Variants in KCNT1 observed in about 807,000 individuals in gnomAD.
KCNT1 encodes the protein potassium channel subfamily T member 1.
Under a neutral mutation model 147.8 loss-of-function variants are expected in KCNT1, and 78 were observed. The ratio of observed to expected loss-of-function variants is 0.53; its 90% CI spans 0.44 to 0.64. KCNT1 has a LOEUF of 0.64. Among genes scored for constraint, KCNT1 ranks in the 30% least tolerant of loss-of-function variants. The probability of loss-of-function intolerance (pLI) is 0.00; values close to 1 mark genes in which losing one functional copy is unlikely to be tolerated. For missense variants in KCNT1, 1,419 were observed against 1,750.3 expected, an observed-to-expected ratio of 0.81 and a Z score of 3.38; for synonymous variants, 867 against 748.8, an observed-to-expected ratio of 1.16 and a Z score of -2.58.
intron 2 of KCNT1, among the ~76,000 whole-genome samples, chr9:135,744,590 C>T (rs566486633): frequency 2.0e-5 from 3 of 152,314 alleles, no homozygotes; most frequent in African/African-American, 7.2e-5. Context: ...GCGTGGGCCT[C>T]GGGGAGCCTC....
chr9:135,769,141 G>A (rs1385930038), intron 15 of KCNT1, among the ~76,000 whole-genome samples: 9 of 75,724 alleles, frequency 1.2e-4, no homozygotes, highest in East Asian at 2.6e-4. Flanking sequence ...GGGGCAGGGC[G>A]CATGTGCACA....
At chr9:135,735,070 G>C (rs964787960) in intron 2 of KCNT1, among the ~76,000 whole-genome samples, 1 of 152,194 alleles carries the variant, frequency 6.6e-6, no homozygotes, top group Admixed American at 6.5e-5. Context: ...GCTTCCATCT[G>C]CTGGTGCTCC....
At chr9:135,767,947 G>A (rs1015192618) in intron 13 of KCNT1, among the ~76,000 whole-genome samples, 10 of 151,580 alleles carry the variant, frequency 6.6e-5, no homozygotes, top group South Asian at 2.1e-4. Flanking sequence ...ACCATCCATA[G>A]CATCTGACCC....
intron 17 of KCNT1, 66 bp downstream of exon 17, chr9:135,770,513 C>G: frequency 6.5e-7 from 1 of 1,536,334 alleles, no homozygotes. Context: ...CCTCCCCACC[C>G]TCCCGGTCAG....
chr9:135,708,388 T>C (rs1835344788), intron 1 of KCNT1, among the ~76,000 whole-genome samples: 1 of 152,254 alleles, frequency 6.6e-6, no homozygotes, highest in African/African-American at 2.4e-5. Context: ...CACATCAGCA[T>C]GCATGTGCGT....
chr9:135,713,334 T>G (rs1041515828), intron 1 of KCNT1, among the ~76,000 whole-genome samples: 2 of 152,242 alleles, frequency 1.3e-5, no homozygotes, highest in African/African-American at 4.8e-5. Context: ...TGCCAGATCC[T>G]GGGGGTTGAA....
Position 135,792,110 on chromosome 9 carries a change from C to T in KCNT1, c.3657C>T (p.Ser1219=), listed in dbSNP as rs780961075. The T allele has an allele frequency of 6.2e-7, 1 of 1,605,534 alleles. No homozygotes were observed. The highest frequency in any genetic ancestry group is 8.5e-7 in the Non-Finnish European group (1 of 1,179,524). Residue 1219 remains serine (S), a synonymous_variant, in exon 31 of 31, where the codon AGC becomes AGT. Coordinates refer to ENST00000371757, the MANE Select transcript of KCNT1 (RefSeq NM_020822.3). Reference sequence around the variant, plus strand: ...CCCAGAGCCGGAAGAGCAGCTGCAGCCACAAGCTGTCGTCCTGCAACCCCG... The same window carrying T: ...CCCAGAGCCGGAAGAGCAGCTGCAGTCACAAGCTGTCGTCCTGCAACCCCG... ...SSSQSRKSSC[S]HKLSSCNPET...
chr9:135,711,300 T>C (rs950006852), intron 1 of KCNT1, among the ~76,000 whole-genome samples: 1 of 151,806 alleles, frequency 6.6e-6, no homozygotes, highest in Non-Finnish European at 1.5e-5. Flanking sequence ...CGGGAACAGA[T>C]GCAGGGGGAG....
Position 135,716,920 on chromosome 9 carries a change from G to A in KCNT1, c.254+2200G>A, listed in dbSNP as rs185901496. Among the ~76,000 whole-genome samples, 30 of 152,334 alleles carry A rather than the reference G, an allele frequency of 2.0e-4. No individual in the cohort carries two copies. In the East Asian group the frequency reaches 2.5e-3, roughly 13 times the overall value. On this transcript the variant is annotated intron_variant, in intron 2 of 30. Coordinates refer to ENST00000371757, the MANE Select transcript of KCNT1 (RefSeq NM_020822.3). ...GTGGTCGCCATACCTGTCCTGTGGC[G>A]CTGTCCCTCAAGATGGCCTCAGAGA...
Position 135,728,129 on chromosome 9 carries a change from C to T in KCNT1, c.254+13409C>T, listed in dbSNP as rs149043110. Among the ~76,000 whole-genome samples, 672 of 152,256 alleles carry T rather than the reference C, an allele frequency of 4.4e-3. 3 individuals carry two copies. Among genetic ancestry groups the T allele is most frequent in the African/African-American group, 0.014 (576 of 41,550 alleles). ...GCAGAGACTGGAGTGATGTGGCCAC[C>T]GCCGAGGGGTGCCTGGAGTCCCCAG... On this transcript the variant is annotated intron_variant, in intron 2 of 30. Transcript: ENST00000371757.
At chr9:135,721,873 G>A (rs1181836905) in intron 2 of KCNT1, among the ~76,000 whole-genome samples, 1 of 152,212 alleles carries the variant, frequency 6.6e-6, no homozygotes, top group Non-Finnish European at 1.5e-5. Flanking sequence ...GTCCTGGAAG[G>A]TGGGCCTGAG....
intron 13 of KCNT1, among the ~76,000 whole-genome samples, chr9:135,767,423 AGCG>A (rs1282780090): frequency 9.5e-6 from 1 of 105,362 alleles, no homozygotes; most frequent in African/African-American, 4.1e-5. Flanking sequence ...TTTCTTAGAC[AGCG>A]TCTCAGCAGT....
chr9:135,702,621 G>C (rs527478417), intron 1 of KCNT1, among the ~76,000 whole-genome samples: 2 of 152,268 alleles, frequency 1.3e-5, no homozygotes, highest in African/African-American at 4.8e-5. Context: ...AAGCTGGGGG[G>C]AGCGGCCGTG....
intron 2 of KCNT1, among the ~76,000 whole-genome samples, chr9:135,748,466 C>T (rs1830964905): frequency 6.6e-6 from 1 of 152,238 alleles, no homozygotes; most frequent in Non-Finnish European, 1.5e-5. Flanking sequence ...CAGGCAGTGA[C>T]ATCAAATTCT....
rs1680693228 is a variant in KCNT1, at chr9:135,772,635, G to C, written c.2009-80G>C. 5 of 1,070,824 alleles carry C rather than the reference G, an allele frequency of 4.7e-6. No individual in the cohort carries two copies. In the Admixed American group the frequency reaches 1.1e-4, roughly 24 times the overall value. 66.3% of individuals were successfully genotyped at this position (1,070,824 alleles called of 1,614,324 possible). On this transcript the variant is annotated intron_variant, in intron 18 of 30. Transcript: ENST00000371757. ...CATGACAGGGTCTCCAGAGCTGACT[G>C]TGTTCACCTGAGCTCTGGGAACTCG...
chr9:135,774,110 T>G (rs1426666029), intron 19 of KCNT1, among the ~76,000 whole-genome samples: 1 of 147,790 alleles, frequency 6.8e-6, no homozygotes, highest in African/African-American at 2.5e-5. Flanking sequence ...CAACGTGTGT[T>G]TGTCACGTGT....
intron 2 of KCNT1, among the ~76,000 whole-genome samples, chr9:135,732,359 A>G (rs953730816): frequency 2.6e-5 from 4 of 152,128 alleles, no homozygotes; most frequent in Non-Finnish European, 5.9e-5. Context: ...TGAGGCTTCT[A>G]CCCAGGGGTA....
intron 2 of KCNT1, among the ~76,000 whole-genome samples, chr9:135,738,958 C>T (rs1830450973): frequency 6.6e-6 from 1 of 152,114 alleles, no homozygotes; most frequent in Non-Finnish European, 1.5e-5. Flanking sequence ...GACAGGGCCT[C>T]TCAGTGAGAC....
intron 2 of KCNT1, among the ~76,000 whole-genome samples, chr9:135,718,534 G>C (rs1285780833): frequency 6.6e-6 from 1 of 152,216 alleles, no homozygotes; most frequent in African/African-American, 2.4e-5. Context: ...CTTGGCCATG[G>C]GGGTGTCTCA....
Sources: gnomAD v4.1 joint callset for allele counts (sites outside exome capture counted in the v4.1 genomes callset) on GRCh38, gnomAD v4.1.1 for gene constraint, MANE v1.5 for transcripts, NCBI Gene and HGNC (gene_info 2026-07-23, HGNC 2026-07-21) for gene names.